ALDH1L1: variants seen among roughly 807,000 people sequenced by gnomAD.
ALDH1L1 encodes aldehyde dehydrogenase 1 family member L1, also known as cytosolic 10-formyltetrahydrofolate dehydrogenase.
ALDH1L1 carries 68 observed loss-of-function variants against 101.1 expected under a neutral mutation model. The ratio of observed to expected loss-of-function variants is 0.67; its 90% CI spans 0.55 to 0.82. The LOEUF is 0.82. ALDH1L1 is among the 40% of genes least tolerant of loss of function. The pLI, the probability that ALDH1L1 is intolerant of heterozygous loss-of-function variation, is 0.00. For synonymous variants in ALDH1L1, 486 were observed against 470.8 expected, an observed-to-expected ratio of 1.03 and a Z score of -0.42; for missense variants, 1,087 against 1,172.7, an observed-to-expected ratio of 0.93 and a Z score of 1.07.
At chr3:126,147,427 T>C (rs1290535181) in intron 8 of ALDH1L1, among the ~76,000 whole-genome samples, 3 of 152,132 alleles carry the variant, frequency 2.0e-5, no homozygotes, top group African/African-American at 7.2e-5. Flanking sequence ...GAGACCTGGG[T>C]CTTGACCTCA....
In ALDH1L1 at chr3:126,137,983, T is replaced by G. The variant is rs199706255; in HGVS notation, c.1077-23A>C. 5.0e-5 allele frequency: 81 copies of G among 1,613,570 alleles called. No homozygotes were observed. The East Asian group carries it at 1.1e-3, about 22-fold the overall frequency. ...AGCCTGGAGGAAGGAGATGGAAAGA[T>G]GGGGACACGGGAGGGGCTCAGCAGG... is the stretch of plus-strand genomic sequence containing the variant. On this transcript the variant is annotated intron_variant, in intron 9 of 22. Transcript: ENST00000393434.
chr3:126,139,806 T>A (rs2080528830), intron 9 of ALDH1L1, among the ~76,000 whole-genome samples: 1 of 152,164 alleles, frequency 6.6e-6, no homozygotes, highest in South Asian at 2.1e-4. Context: ...GGTTCAACAG[T>A]AGTTTTGAGC....
chr3:126,146,950 G>A (rs370504578), intron 8 of ALDH1L1, 24 bp from the exon 9 acceptor site: 14 of 1,609,370 alleles, frequency 8.7e-6, no homozygotes, highest in African/African-American at 1.3e-5. Flanking sequence ...CCTGATGAGA[G>A]GCTGGCCCCA....
At position 126,177,122 on chromosome 3, in the gene ALDH1L1, C is replaced by T. The variant is rs1026808125; in HGVS notation, c.-24+3354G>A. Reference sequence around the variant, plus strand: ...TTACTGGTAGAAATGAAAAATTATGCCACCACTATGGAAAAAGGTTTGGTA... The same window carrying T: ...TTACTGGTAGAAATGAAAAATTATGTCACCACTATGGAAAAAGGTTTGGTA... On this transcript the variant is annotated intron_variant, in intron 1 of 22. Coordinates refer to ENST00000393434, the MANE Select transcript of ALDH1L1 (RefSeq NM_012190.4). Among the ~76,000 whole-genome samples the T allele has an allele frequency of 3.9e-5, 6 of 152,276 alleles. No homozygotes were observed. In the South Asian group the frequency reaches 8.3e-4, roughly 21 times the overall value.
chr3:126,153,627 C>T, intron 6 of ALDH1L1, 46 bp from the exon 7 acceptor site: 4 of 1,584,970 alleles, frequency 2.5e-6, no homozygotes, highest in Non-Finnish European at 3.4e-6. Flanking sequence ...AGAAGAAGCC[C>T]CCGAAGCCAG....
intron 17 of ALDH1L1, 80 bp from the exon 18 acceptor site, chr3:126,114,736 G>T (rs747998351): frequency 2.1e-4 from 277 of 1,333,356 alleles, no homozygotes; most frequent in Non-Finnish European, 2.8e-4. Flanking sequence ...CAGGGACCTG[G>T]GTAGGCCCAA....
intron 1 of ALDH1L1, among the ~76,000 whole-genome samples, chr3:126,168,250 C>T (rs1478314040): frequency 3.3e-5 from 5 of 151,912 alleles, no homozygotes; most frequent in Non-Finnish European, 7.4e-5. Flanking sequence ...GTAAATTAAA[C>T]ACTAAAATAA....
At chr3:126,111,725 C>T (rs1448565890) in intron 19 of ALDH1L1, among the ~76,000 whole-genome samples, 2 of 152,206 alleles carry the variant, frequency 1.3e-5, no homozygotes, top group Non-Finnish European at 2.9e-5. Flanking sequence ...CCCTGGTTTC[C>T]CAGGTACCAT....
intron 17 of ALDH1L1, among the ~76,000 whole-genome samples, chr3:126,117,021 G>A (rs1283372654): frequency 6.6e-6 from 1 of 151,892 alleles, no homozygotes; most frequent in South Asian, 2.1e-4. Context: ...TTTTTTGATG[G>A]TAGCCACATT....
At chr3:126,116,464 C>A (rs1289301061) in intron 17 of ALDH1L1, among the ~76,000 whole-genome samples, 1 of 152,040 alleles carries the variant, frequency 6.6e-6, no homozygotes, top group African/African-American at 2.4e-5. Context: ...ACATATCTTG[C>A]CCCCCAAACC....
At chr3:126,114,684 C>T (rs770487415) in intron 17 of ALDH1L1, 28 bp from the exon 18 acceptor site, 33 of 1,551,058 alleles carry the variant, frequency 2.1e-5, no homozygotes, top group Middle Eastern at 1.7e-4. Flanking sequence ...CTGGTGGGGC[C>T]GGTCCCTCCA....
intron 1 of ALDH1L1, among the ~76,000 whole-genome samples, chr3:126,161,727 T>C (rs1354681586): frequency 6.6e-6 from 1 of 152,180 alleles, no homozygotes; most frequent in South Asian, 2.1e-4. Flanking sequence ...GATTTTATTT[T>C]GGAAAATTTT....
chr3:126,148,738 G>A (rs188543800), intron 8 of ALDH1L1, among the ~76,000 whole-genome samples: 4 of 152,266 alleles, frequency 2.6e-5, no homozygotes, highest in Admixed American at 1.3e-4. Flanking sequence ...TAAACACGCC[G>A]CTCTTCCAGG....
In ALDH1L1 at chr3:126,143,283, T is replaced by G. The variant is rs146046329; in HGVS notation, c.1076+3552A>C. 2.6e-4 allele frequency among the ~76,000 whole-genome samples: 40 copies of G among 152,314 alleles called. 1 individual carries two copies. Among genetic ancestry groups the G allele is most frequent in the Middle Eastern group, 3.4e-3 (1 of 294 alleles). On this transcript the variant is annotated intron_variant, in intron 9 of 22. Transcript: ENST00000393434. ...TCATAAGTCTGGGACCATCTATATA[T>G]TCTATGTTTTTTCTGATAACACCAG...
intron 14 of ALDH1L1, chr3:126,128,346 G>A (rs2080229539): frequency 6.6e-6 from 1 of 152,376 alleles, no homozygotes; most frequent in Non-Finnish European, 1.5e-5. Flanking sequence ...TTCACAGCAT[G>A]CTGTGCCCTA....
At chr3:126,146,793 C>T (rs773204264) in intron 9 of ALDH1L1, 42 bp downstream of exon 9, 1 of 1,596,568 alleles carries the variant, frequency 6.3e-7, no homozygotes, top group Non-Finnish European at 8.6e-7. Context: ...TGTGACACAG[C>T]ACCAAGTACC....
At chr3:126,142,189 C>T (rs1294792614) in intron 9 of ALDH1L1, among the ~76,000 whole-genome samples, 1 of 152,110 alleles carries the variant, frequency 6.6e-6, no homozygotes, top group Non-Finnish European at 1.5e-5. Flanking sequence ...AGTAAGGAAA[C>T]TGAATCAGTA....
chr3:126,194,700 C>G (rs923028824), intron 1 of ALDH1L1, among the ~76,000 whole-genome samples: 85 of 152,012 alleles, frequency 5.6e-4, no homozygotes, highest in African/African-American at 1.9e-3. Flanking sequence ...TTGTTCAGAC[C>G]CTTAGCTTTT....
chr3:126,153,223 G>C, intron 7 of ALDH1L1: 1 of 655,158 alleles, frequency 1.5e-6, no homozygotes, highest in Non-Finnish European at 2.6e-6. Flanking sequence ...AGGGTAGGGA[G>C]CCCAGCTTTC....
Sources: allele counts gnomAD v4.1 joint callset (sites outside exome capture counted in the v4.1 genomes callset), GRCh38; gene constraint gnomAD v4.1.1; transcripts MANE v1.5; gene names NCBI Gene and HGNC (gene_info 2026-07-23, HGNC 2026-07-21).